FAT3: variants seen among roughly 807,000 people sequenced by gnomAD.
FAT3 encodes FAT atypical cadherin 3.
A neutral mutation model predicts 310.2 loss-of-function variants in FAT3; 95 were observed. The ratio of observed to expected loss-of-function variants is 0.31; its 90% CI spans 0.26 to 0.36. FAT3 has a LOEUF of 0.36. Ranked by LOEUF, FAT3 falls within the 10% of genes least tolerant of loss-of-function variation. The probability of loss-of-function intolerance (pLI) is 1.00; values close to 1 mark genes in which losing one functional copy is unlikely to be tolerated. For synonymous variants in FAT3, 2,314 were observed against 2,192.9 expected (o/e 1.06, Z -1.54); for missense variants, 5,408 against 5,715.6 (o/e 0.95, Z 1.74).
At chr11:92,337,082 C>T (rs1263548584) in intron 1 of FAT3, among the ~76,000 whole-genome samples, 1 of 152,146 alleles carries the variant, frequency 6.6e-6, no homozygotes, top group Non-Finnish European at 1.5e-5. Flanking sequence ...ACATCCCTGA[C>T]TCTAGAAACA....
intron 2 of FAT3, among the ~76,000 whole-genome samples, chr11:92,428,995 A>G (rs531886208): frequency 3.3e-5 from 5 of 152,248 alleles, no homozygotes; most frequent in Non-Finnish European, 7.4e-5. Flanking sequence ...AGTCCCCACT[A>G]TTATTGTGTG....
At chr11:92,536,856 A>G (rs1203549358) in intron 3 of FAT3, among the ~76,000 whole-genome samples, 6 of 152,164 alleles carry the variant, frequency 3.9e-5, no homozygotes, top group South Asian at 2.1e-4. Context: ...CTTGTCTTCA[A>G]TATTTCAACT....
chr11:92,809,768 A>G, intron 12 of FAT3, 75 bp from the exon 13 acceptor site: 1 of 1,099,468 alleles, frequency 9.1e-7, no homozygotes, highest in Non-Finnish European at 1.3e-6. Flanking sequence ...TTGTTTGTAT[A>G]ATTGGTCCTC....
chr11:92,805,091 A>C, intron 10 of FAT3, 62 bp from the exon 11 acceptor site: 1 of 1,527,210 alleles, frequency 6.5e-7, no homozygotes, highest in Non-Finnish European at 8.9e-7. Flanking sequence ...CTCTCAAGGT[A>C]GATGTAGATT....
intron 13 of FAT3, among the ~76,000 whole-genome samples, chr11:92,826,264 C>G (rs1026563407): frequency 6.6e-6 from 1 of 152,178 alleles, no homozygotes; most frequent in Non-Finnish European, 1.5e-5. Flanking sequence ...CTTTGTTGAT[C>G]ATTTTTCTTC....
chr11:92,839,478 A>G (rs1392335660), intron 17 of FAT3, among the ~76,000 whole-genome samples: 2 of 152,228 alleles, frequency 1.3e-5, no homozygotes, highest in Non-Finnish European at 2.9e-5. Context: ...AAAGGAGCAA[A>G]ATAAGAGGTC....
intron 2 of FAT3, among the ~76,000 whole-genome samples, chr11:92,368,346 CTT>C (rs1949081132): frequency 1.3e-5 from 2 of 152,210 alleles, no homozygotes; most frequent in South Asian, 4.1e-4. Flanking sequence ...TTTGGAAAAA[CTT>C]CTATCAAGTT....
intron 3 of FAT3, among the ~76,000 whole-genome samples, chr11:92,646,223 T>C (rs1324820321): frequency 1.3e-5 from 2 of 152,186 alleles, no homozygotes; most frequent in African/African-American, 4.8e-5. Flanking sequence ...AGCATAGGCC[T>C]AGTTCATAAA....
At chr11:92,777,185 C>T (rs1042523122) in intron 7 of FAT3, among the ~76,000 whole-genome samples, 2 of 152,164 alleles carry the variant, frequency 1.3e-5, no homozygotes, top group Non-Finnish European at 2.9e-5. Context: ...GTTTAGTTTT[C>T]CTTTGGGAAC....
chr11:92,809,454 C>T (rs111348941), intron 12 of FAT3, among the ~76,000 whole-genome samples: 2 of 152,280 alleles, frequency 1.3e-5, no homozygotes, highest in African/African-American at 4.8e-5. Context: ...ATCAGAGAAC[C>T]AGATATACCA....
chr11:92,448,584 C>T (rs570361817), intron 2 of FAT3, among the ~76,000 whole-genome samples: 24 of 152,182 alleles, frequency 1.6e-4, no homozygotes, highest in Non-Finnish European at 2.5e-4. Context: ...GAGGTTAGAG[C>T]ATGAATTAGT....
intron 3 of FAT3, among the ~76,000 whole-genome samples, chr11:92,686,363 T>TA (rs1292517464): frequency 6.6e-6 from 1 of 152,200 alleles, no homozygotes; most frequent in East Asian, 1.9e-4. Flanking sequence ...TGTTTGCAAT[T>TA]ACAACATCAA....
chr11:92,246,015 A>C (rs1864888583), intron 1 of FAT3, among the ~76,000 whole-genome samples: 1 of 152,070 alleles, frequency 6.6e-6, no homozygotes, highest in Non-Finnish European at 1.5e-5. Flanking sequence ...ATTAAGGATG[A>C]GGAAGTGGAT....
chr11:92,479,127 T>G (rs925050624), intron 2 of FAT3, among the ~76,000 whole-genome samples: 13 of 151,262 alleles, frequency 8.6e-5, no homozygotes, highest in African/African-American at 2.7e-4. Context: ...TCAGCCTCTC[T>G]AGTAGCTGAG....
intron 1 of FAT3, among the ~76,000 whole-genome samples, chr11:92,291,116 C>CACACACACAT (rs796468398): frequency 6.6e-6 from 1 of 150,920 alleles, no homozygotes; most frequent in African/African-American, 2.4e-5. Context: ...CACACACACA[C>CACACACACAT]ATGCACGCGC....
chr11:92,673,289 A>G (rs1024412645), intron 3 of FAT3, among the ~76,000 whole-genome samples: 1 of 152,210 alleles, frequency 6.6e-6, no homozygotes, highest in Non-Finnish European at 1.5e-5. Context: ...TTTTATTTAT[A>G]CTTTAACTTA....
chr11:92,882,890 C>T lies in FAT3; in HGVS notation c.12434C>T (p.Ala4145Val), dbSNP rs2136410224. 4 of 1,612,600 alleles carry T rather than the reference C, an allele frequency of 2.5e-6. No homozygotes were observed. The highest frequency in any genetic ancestry group is 3.4e-6 in the Non-Finnish European group (4 of 1,179,456). The change falls in exon 24 of 28, where the codon GCT becomes GTT. Residue 4145 changes from alanine to valine, a missense_variant. Physicochemically the swap from Ala to Val is moderately conservative, Grantham distance 64 (BLOSUM62 0). Coordinates refer to ENST00000525166, the MANE Select transcript of FAT3 (RefSeq NM_001367949.2). ...LRPVVVPNIQ[A>V]GHSYVGKEEL... ...CCCGTGGTGGTACCCAATATCCAGG[C>T]TGGCCACTCCTACGTGGGGAAGGAG...
chr11:92,746,239 G>A (rs184767851), intron 4 of FAT3, among the ~76,000 whole-genome samples: 1 of 152,324 alleles, frequency 6.6e-6, no homozygotes, highest in African/African-American at 2.4e-5. Flanking sequence ...GTTTAATTAA[G>A]TCAAGTTCCA....
intron 4 of FAT3, among the ~76,000 whole-genome samples, chr11:92,723,094 T>G (rs1944909495): frequency 6.6e-6 from 1 of 152,230 alleles, no homozygotes; most frequent in Non-Finnish European, 1.5e-5. Flanking sequence ...AAATGGGATT[T>G]TCTTTTCTAT....
Sources: allele counts gnomAD v4.1 joint callset (sites outside exome capture counted in the v4.1 genomes callset), GRCh38; gene constraint gnomAD v4.1.1; transcripts MANE v1.5; gene names NCBI Gene and HGNC (gene_info 2026-07-23, HGNC 2026-07-21).